ITSN1: variants seen among roughly 807,000 people sequenced by gnomAD.
ITSN1 encodes the protein intersectin 1.
A neutral mutation model predicts 239.8 loss-of-function variants in ITSN1; 58 were observed. The observed-to-expected ratio is 0.24, with a 90% CI of 0.20 to 0.30. The LOEUF (loss-of-function observed/expected upper bound fraction) is 0.30. Ranked by LOEUF, ITSN1 falls within the 10% of genes least tolerant of loss-of-function variation. The probability of loss-of-function intolerance (pLI) is 1.00; values close to 1 mark genes in which losing one functional copy is unlikely to be tolerated. For missense variants in ITSN1, 1,558 were observed against 2,103.3 expected (o/e 0.74, Z 5.07); for synonymous variants, 780 against 770.8 (o/e 1.01, Z -0.20).
chr21:33,777,360 CT>C (rs1287134616), intron 14 of ITSN1, among the ~76,000 whole-genome samples: 1 of 152,068 alleles, frequency 6.6e-6, no homozygotes, highest in Non-Finnish European at 1.5e-5. Flanking sequence ...CTGTTGATAC[CT>C]AATTTTTGAA....
chr21:33,685,530 A>G (rs1272060598), intron 1 of ITSN1, among the ~76,000 whole-genome samples: 1 of 151,958 alleles, frequency 6.6e-6, no homozygotes. Context: ...AAGCTACCTC[A>G]TAATAGCTCT....
intron 19 of ITSN1, among the ~76,000 whole-genome samples, chr21:33,801,043 G>A (rs1282712949): frequency 1.3e-5 from 2 of 151,472 alleles, no homozygotes; most frequent in Admixed American, 1.3e-4. Context: ...GCTAATTTTT[G>A]TAATTTTTAT....
rs531186202 is a variant in ITSN1, at chr21:33,814,258, G to A, written c.2727+186G>A. Reference sequence around the variant, plus strand: ...TGAATAGTTGGGAGTTGGGGGTGGGGGTGGGACACAGTCAACTTCTCCTGC... The same window carrying A: ...TGAATAGTTGGGAGTTGGGGGTGGGAGTGGGACACAGTCAACTTCTCCTGC... On this transcript the variant is annotated intron_variant, in intron 22 of 39. Coordinates refer to ENST00000381318, the MANE Select transcript of ITSN1 (RefSeq NM_003024.3). 1.4e-4 allele frequency: 74 copies of A among 529,034 alleles called. 5 individuals are homozygous for A. Among genetic ancestry groups the A allele is most frequent in the Non-Finnish European group, 2.4e-4 (71 of 301,230 alleles). The allele number at this position is 529,034 out of a possible 1,614,324, so 32.8% of individuals were successfully genotyped here.
At chr21:33,667,134 C>A (rs936938995) in intron 1 of ITSN1, among the ~76,000 whole-genome samples, 3 of 142,842 alleles carry the variant, frequency 2.1e-5, no homozygotes, top group Non-Finnish European at 4.6e-5. Flanking sequence ...AGCCTATTTG[C>A]TTTTTTTTTT....
At chr21:33,874,095 G>T (rs748190348) in intron 33 of ITSN1, among the ~76,000 whole-genome samples, 5 of 146,852 alleles carry the variant, frequency 3.4e-5, no homozygotes, top group South Asian at 2.2e-4. Flanking sequence ...GGCAGAGGTT[G>T]CAGTGAGCCG....
intron 32 of ITSN1, among the ~76,000 whole-genome samples, chr21:33,866,353 G>T (rs1981575971): frequency 6.6e-6 from 1 of 152,236 alleles, no homozygotes; most frequent in South Asian, 2.1e-4. Flanking sequence ...GAGCTGCTGG[G>T]CGCCATGGAC....
At position 33,801,918 on chromosome 21, in the gene ITSN1, C is replaced by T. The variant is rs146984561; in HGVS notation, c.2305-512C>T. 2.0e-4 allele frequency among the ~76,000 whole-genome samples: 31 copies of T among 152,296 alleles called. No individual in the cohort carries two copies. In the East Asian group the frequency reaches 4.4e-3, roughly 22 times the overall value. On this transcript the variant is annotated intron_variant, in intron 19 of 39. Coordinates refer to ENST00000381318, the MANE Select transcript of ITSN1 (RefSeq NM_003024.3). ...CTTCACCACCTGCTGTTTCCTACAC[C>T]GTGGTTTCTGATAGCCTGAAGCTAC...
chr21:33,829,060 AAAG>A (rs1234830808), intron 26 of ITSN1: 13 of 464,592 alleles, frequency 2.8e-5, no homozygotes, highest in African/African-American at 1.6e-4. Context: ...TGTGAGCCAT[AAAG>A]AAGAAGGCTG....
intron 5 of ITSN1, among the ~76,000 whole-genome samples, chr21:33,743,651 C>G (rs1314467847): frequency 6.6e-6 from 1 of 152,030 alleles, no homozygotes; most frequent in Non-Finnish European, 1.5e-5. Flanking sequence ...AGATTCTAAA[C>G]TATATTTAAA....
intron 5 of ITSN1, among the ~76,000 whole-genome samples, chr21:33,742,713 T>C (rs2066939567): frequency 1.3e-5 from 2 of 152,062 alleles, no homozygotes; most frequent in South Asian, 2.1e-4. Context: ...GGAATCAAAA[T>C]TGAGCAGTAT....
intron 14 of ITSN1, among the ~76,000 whole-genome samples, chr21:33,777,852 T>C (rs1286161570): frequency 1.3e-5 from 2 of 152,214 alleles, no homozygotes; most frequent in Non-Finnish European, 1.5e-5. Flanking sequence ...TGGATAGAAG[T>C]GGGAAGAGCC....
chr21:33,720,897 CT>C (rs2147087753), intron 2 of ITSN1, among the ~76,000 whole-genome samples: 1 of 152,242 alleles, frequency 6.6e-6, no homozygotes, highest in African/African-American at 2.4e-5. Context: ...TTACTATAAT[CT>C]TGCTAACTAT....
At chr21:33,687,962 G>A (rs757173607) in intron 1 of ITSN1, among the ~76,000 whole-genome samples, 2 of 152,296 alleles carry the variant, frequency 1.3e-5, no homozygotes, top group East Asian at 1.9e-4. Context: ...AATTTTGATT[G>A]TGGCTTCCAA....
intron 1 of ITSN1, among the ~76,000 whole-genome samples, chr21:33,654,993 CT>C (rs2088911278): frequency 6.6e-6 from 1 of 151,346 alleles, no homozygotes; most frequent in Non-Finnish European, 1.5e-5. Flanking sequence ...CCACAATATT[CT>C]TTTTATGATA....
At chr21:33,807,647 T>C (rs1313809119) in intron 20 of ITSN1, among the ~76,000 whole-genome samples, 1 of 150,872 alleles carries the variant, frequency 6.6e-6, no homozygotes, top group African/African-American at 2.4e-5. Context: ...AACCAGTCAA[T>C]ACCCTGTGTT....
intron 1 of ITSN1, among the ~76,000 whole-genome samples, chr21:33,687,636 A>G (rs574923968): frequency 6.6e-6 from 1 of 152,282 alleles, no homozygotes; most frequent in African/African-American, 2.4e-5. Context: ...AAATGAACCA[A>G]CGTTCAGGAA....
At chr21:33,775,647 G>A (rs1409168359) in intron 14 of ITSN1, among the ~76,000 whole-genome samples, 1 of 152,200 alleles carries the variant, frequency 6.6e-6, no homozygotes, top group East Asian at 1.9e-4. Context: ...TGAGGTCGTA[G>A]CAGGACTCTG....
At chr21:33,886,538 G>A in intron 39 of ITSN1, 78 bp downstream of exon 39, 1 of 1,278,188 alleles carries the variant, frequency 7.8e-7, no homozygotes. Context: ...CTTACCTGGG[G>A]ACTTGGTGCC....
chr21:33,693,995 T>C (rs532638486), intron 1 of ITSN1, among the ~76,000 whole-genome samples: 2 of 152,358 alleles, frequency 1.3e-5, no homozygotes, highest in Middle Eastern at 6.8e-3. Context: ...ATATTTTTAA[T>C]TGTCATATAT....
Sources: allele counts gnomAD v4.1 joint callset (sites outside exome capture counted in the v4.1 genomes callset), GRCh38; gene constraint gnomAD v4.1.1; transcripts MANE v1.5; gene names NCBI Gene and HGNC (gene_info 2026-07-23, HGNC 2026-07-21).